Variants in SH3RF3 observed in about 807,000 individuals in gnomAD.
SH3RF3 encodes SH3 domain containing ring finger 3, also known as E3 ubiquitin-protein ligase SH3RF3.
SH3RF3 carries 29 observed loss-of-function variants against 66.3 expected under a neutral mutation model. That is an observed-to-expected ratio of 0.44 (90% CI 0.33 to 0.60). The LOEUF is 0.60. Ranked by LOEUF, SH3RF3 falls within the 20% of genes least tolerant of loss-of-function variation. The pLI, the probability that SH3RF3 is intolerant of heterozygous loss-of-function variation, is 0.04. For missense variants in SH3RF3, 1,194 were observed against 1,190.9 expected, an observed-to-expected ratio of 1.00 and a Z score of -0.04; for synonymous variants, 583 against 532.0, an observed-to-expected ratio of 1.10 and a Z score of -1.32.
chr2:109,151,105 C>T (rs1223847406), intron 1 of SH3RF3, among the ~76,000 whole-genome samples: 1 of 152,192 alleles, frequency 6.6e-6, no homozygotes, highest in African/African-American at 2.4e-5. Context: ...ATTTGCCCTG[C>T]ATTTGGTGAG....
chr2:109,486,050 A>C (rs573005552), intron 8 of SH3RF3, among the ~76,000 whole-genome samples: 20 of 152,334 alleles, frequency 1.3e-4, no homozygotes, highest in African/African-American at 4.6e-4. Flanking sequence ...CCCTGCTTTC[A>C]ACCCATGTGT....
At chr2:109,468,990 G>A (rs1678434063) in intron 8 of SH3RF3, among the ~76,000 whole-genome samples, 1 of 150,684 alleles carries the variant, frequency 6.6e-6, no homozygotes, top group South Asian at 2.1e-4. Context: ...TGCATGTCAA[G>A]CTCAAGGTCT....
At chr2:109,413,740 G>A (rs995634809) in intron 4 of SH3RF3, among the ~76,000 whole-genome samples, 6 of 152,214 alleles carry the variant, frequency 3.9e-5, no homozygotes, top group African/African-American at 1.2e-4. Flanking sequence ...ATGCCTTGTA[G>A]GACCTGAGTT....
chr2:109,275,592 G>A (rs540863824), intron 1 of SH3RF3, among the ~76,000 whole-genome samples: 3 of 152,310 alleles, frequency 2.0e-5, no homozygotes, highest in Admixed American at 6.5e-5. Flanking sequence ...CCCCGCACCC[G>A]CCGTGCTTCT....
At chr2:109,155,747 C>T (rs1677332820) in intron 1 of SH3RF3, among the ~76,000 whole-genome samples, 1 of 152,182 alleles carries the variant, frequency 6.6e-6, no homozygotes, top group Admixed American at 6.5e-5. Flanking sequence ...AAAGGGAGTT[C>T]CCACATCCTG....
At position 109,449,174 on chromosome 2, in the gene SH3RF3, C is replaced by T. The variant is rs899761042; in HGVS notation, c.1833C>T (p.Ala611=). The T allele has an allele frequency of 1.2e-6, 2 of 1,613,216 alleles. No homozygotes were observed. Among genetic ancestry groups the T allele is most frequent in the African/African-American group, 2.7e-5 (2 of 74,910 alleles). ...TCTCTCCAACCCCGTCTCCAGCTGC[C>T]CACTCTGCAGCCCAGGCTCAGGACC... ...SQARSTISTA[A]HSAAQAQDRP... Residue 611 remains alanine (A), a synonymous_variant, in exon 8 of 10, where the codon GCC becomes GCT. Coordinates refer to ENST00000309415, the MANE Select transcript of SH3RF3 (RefSeq NM_001099289.3).
intron 8 of SH3RF3, among the ~76,000 whole-genome samples, chr2:109,485,075 G>A (rs1233696228): frequency 6.6e-6 from 1 of 152,230 alleles, no homozygotes; most frequent in Admixed American, 6.5e-5. Context: ...TGCAGATTGA[G>A]GTTCTCATGG....
At chr2:109,421,643 TCCCTCTG>T (rs1676881678) in intron 5 of SH3RF3, among the ~76,000 whole-genome samples, 1 of 152,210 alleles carries the variant, frequency 6.6e-6, no homozygotes, top group Admixed American at 6.5e-5. Context: ...CTCCACCTTC[TCCCTCTG>T]GGCTTCTCCC....
rs550808020 is a variant in SH3RF3 at position 109,263,006 on chromosome 2, G to T, written c.574-84668G>T. ...CGCCACCACACCTGGCTCGTTTTTTGTATTTTTTTTTGTATTTTTGGTAGA... is the reference window on the plus strand; with the variant it reads ...CGCCACCACACCTGGCTCGTTTTTTTTATTTTTTTTTGTATTTTTGGTAGA... On this transcript the variant is annotated intron_variant, in intron 1 of 9. Coordinates refer to ENST00000309415, the MANE Select transcript of SH3RF3 (RefSeq NM_001099289.3). Among the ~76,000 whole-genome samples the T allele has an allele frequency of 1.5e-3, 226 of 148,006 alleles. 2 individuals are homozygous for T. The highest frequency in any genetic ancestry group is 3.1e-3 in the Admixed American group (47 of 15,012).
intron 4 of SH3RF3, among the ~76,000 whole-genome samples, chr2:109,403,298 G>A (rs1313295802): frequency 1.3e-5 from 2 of 152,124 alleles, no homozygotes; most frequent in Non-Finnish European, 2.9e-5. Context: ...TCTCTCCTTC[G>A]GCTTCTTCTG....
chr2:109,400,423 C>CACATACACCTT (rs1374644796), intron 4 of SH3RF3, among the ~76,000 whole-genome samples: 2 of 152,188 alleles, frequency 1.3e-5, no homozygotes, highest in African/African-American at 4.8e-5. Context: ...CACCTGTGCA[C>CACATACACCTT]ATATGTGCAC....
intron 1 of SH3RF3, among the ~76,000 whole-genome samples, chr2:109,140,710 T>A (rs1342703699): frequency 6.6e-6 from 1 of 152,122 alleles, no homozygotes; most frequent in Admixed American, 6.5e-5. Flanking sequence ...TTATGGGAAA[T>A]AGAATTTTTT....
At chr2:109,401,261 C>T (rs1356258862) in intron 4 of SH3RF3, among the ~76,000 whole-genome samples, 3 of 152,168 alleles carry the variant, frequency 2.0e-5, no homozygotes, top group Admixed American at 6.5e-5. Context: ...TGTGAACAGT[C>T]GAAAGTTGTG....
At chr2:109,466,316 C>T (rs1426481021) in intron 8 of SH3RF3, among the ~76,000 whole-genome samples, 2 of 152,048 alleles carry the variant, frequency 1.3e-5, no homozygotes, top group East Asian at 1.9e-4. Flanking sequence ...CTCCTGACCT[C>T]GTGACCTGCC....
chr2:109,129,322 C>G lies in SH3RF3; in HGVS notation c.-219C>G. On this transcript the variant is annotated 5_prime_UTR_variant, in exon 1 of 10. Coordinates refer to ENST00000309415, the MANE Select transcript of SH3RF3 (RefSeq NM_001099289.3). ...CGCTGCGCTCAGGACTGGGCGGGCTCGGCTGGCCGGTCCCCGCCACGCAGG... is the reference window on the plus strand; with the variant it reads ...CGCTGCGCTCAGGACTGGGCGGGCTGGGCTGGCCGGTCCCCGCCACGCAGG... The G allele has an allele frequency of 2.7e-6, 2 of 733,652 alleles. No homozygotes were observed. Among genetic ancestry groups the G allele is most frequent in the Non-Finnish European group, 4.5e-6 (2 of 449,140 alleles). 45.4% of individuals were successfully genotyped at this position (733,652 alleles called of 1,614,324 possible).
At position 109,401,249 on chromosome 2, in the gene SH3RF3, G is replaced by C. The variant is rs560210802; in HGVS notation, c.1299+2306G>C. 1.8e-4 allele frequency among the ~76,000 whole-genome samples: 28 copies of C among 152,350 alleles called. 1 individual carries two copies. Among genetic ancestry groups the C allele is most frequent in the Admixed American group, 5.2e-4 (8 of 15,308 alleles). ...CTTGGCAACCTGAGCAACTGTTGGC[G>C]ATGTGAACAGTCGAAAGTTGTGTTG... On this transcript the variant is annotated intron_variant, in intron 4 of 9. Coordinates refer to ENST00000309415, the MANE Select transcript of SH3RF3 (RefSeq NM_001099289.3).
intron 1 of SH3RF3, among the ~76,000 whole-genome samples, chr2:109,149,995 A>G (rs1677193128): frequency 6.6e-6 from 1 of 152,194 alleles, no homozygotes; most frequent in Admixed American, 6.5e-5. Context: ...ACCTCCCCAA[A>G]CACTGATGTC....
At chr2:109,190,970 A>G (rs983347756) in intron 1 of SH3RF3, among the ~76,000 whole-genome samples, 2 of 151,552 alleles carry the variant, frequency 1.3e-5, no homozygotes, top group Non-Finnish European at 2.9e-5. Flanking sequence ...ATTCATTTTA[A>G]TAGTTGCGTC....
chr2:109,199,598 G>GC (rs1678605045), intron 1 of SH3RF3, among the ~76,000 whole-genome samples: 1 of 238 alleles, frequency 4.2e-3, no homozygotes, highest in Non-Finnish European at 8.1e-3. Context: ...GGAATGGAAT[G>GC]GAATGGAATG....
Sources: allele counts gnomAD v4.1 joint callset (sites outside exome capture counted in the v4.1 genomes callset), GRCh38; gene constraint gnomAD v4.1.1; transcripts MANE v1.5; gene names NCBI Gene and HGNC (gene_info 2026-07-23, HGNC 2026-07-21).